The following PPP2CB variants were observed in gnomAD, a reference collection of about 807,000 sequenced individuals.
PPP2CB encodes the protein protein phosphatase 2 catalytic subunit beta, also known as serine/threonine-protein phosphatase 2A catalytic subunit beta isoform.
A neutral mutation model predicts 39.1 loss-of-function variants in PPP2CB; 18 were observed. The ratio of observed to expected loss-of-function variants is 0.46; its 90% CI spans 0.32 to 0.68. The LOEUF (loss-of-function observed/expected upper bound fraction) is 0.68. Ranked by LOEUF, PPP2CB falls within the 30% of genes least tolerant of loss-of-function variation. PPP2CB has a pLI of 0.04. For missense variants in PPP2CB, 226 were observed against 396.9 expected (o/e 0.57, Z 3.66); for synonymous variants, 129 against 133.8 (o/e 0.96, Z 0.25).
rs1425983527 is a variant in PPP2CB, at chr8:30,797,871, T to C, written c.313-117A>G. 3 of 975,328 alleles carry C rather than the reference T, an allele frequency of 3.1e-6. No individual in the cohort carries two copies. The East Asian group carries it at 8.1e-5, about 26-fold the overall frequency. 60.4% of individuals were successfully genotyped at this position (975,328 alleles called of 1,614,324 possible). On this transcript the variant is annotated intron_variant, in intron 2 of 6. Transcript: ENST00000221138. ...CGCTTTTGGCCACCAGTATATTAAA[T>C]GTTAATTTCAGTTTCAAAATAAAAA...
intron 5 of PPP2CB, chr8:30,791,562 C>A: frequency 3.2e-6 from 1 of 309,320 alleles, no homozygotes; most frequent in Non-Finnish European, 5.8e-6. Flanking sequence ...TGCTTGAAAT[C>A]TTGGCAAGGA....
intron 6 of PPP2CB, among the ~76,000 whole-genome samples, chr8:30,789,984 C>T (rs1806405216): frequency 6.6e-6 from 1 of 152,168 alleles, no homozygotes; most frequent in South Asian, 2.1e-4. Flanking sequence ...ACTTGAATCT[C>T]TGGCTTCACA....
chr8:30,796,929 A>G (rs1426012835), intron 3 of PPP2CB, among the ~76,000 whole-genome samples: 3 of 152,120 alleles, frequency 2.0e-5, no homozygotes, highest in African/African-American at 7.2e-5. Flanking sequence ...CTGCAGCCTT[A>G]ACTTCCTGGG....
intron 5 of PPP2CB, chr8:30,793,636 C>A (rs955549111): frequency 3.7e-6 from 1 of 269,004 alleles, no homozygotes; most frequent in Non-Finnish European, 7.0e-6. Context: ...AATGATAAAG[C>A]AAATATAGTA....
chr8:30,796,485 T>C (rs1180381177), intron 3 of PPP2CB, among the ~76,000 whole-genome samples: 1 of 152,130 alleles, frequency 6.6e-6, no homozygotes, highest in African/African-American at 2.4e-5. Flanking sequence ...CAGGTTCAAG[T>C]GATTCTCCTG....
At chr8:30,797,068 T>C (rs1267851739) in intron 3 of PPP2CB, among the ~76,000 whole-genome samples, 1 of 152,112 alleles carries the variant, frequency 6.6e-6, no homozygotes, top group Non-Finnish European at 1.5e-5. Context: ...AGGCTGGTCT[T>C]GAACCCCTGA....
chr8:30,805,569 C>CA (rs375475622), intron 1 of PPP2CB, among the ~76,000 whole-genome samples: 180 of 150,064 alleles, frequency 1.2e-3, no homozygotes, highest in Middle Eastern at 3.4e-3. Flanking sequence ...CACAAAAAAA[C>CA]AAAAAAAAAG....
intron 3 of PPP2CB, among the ~76,000 whole-genome samples, chr8:30,795,412 G>C (rs1467282970): frequency 6.6e-6 from 1 of 152,182 alleles, no homozygotes; most frequent in Non-Finnish European, 1.5e-5. Context: ...ACCTCACCTG[G>C]CCTGATGAGA....
At chr8:30,806,986 G>A (rs1293747416) in intron 1 of PPP2CB, among the ~76,000 whole-genome samples, 1 of 152,048 alleles carries the variant, frequency 6.6e-6, no homozygotes, top group African/African-American at 2.4e-5. Context: ...CCACTTTCCC[G>A]CCATTAGCAA....
At chr8:30,794,589 CTCCTT>C (rs1255135160) in intron 3 of PPP2CB, 24 of 284,824 alleles carry the variant, frequency 8.4e-5, no homozygotes, top group South Asian at 8.0e-4. Context: ...CCCCACTTCC[CTCCTT>C]TCTTTTCTTT....
At chr8:30,811,801 T>G (rs146824491) in intron 1 of PPP2CB, among the ~76,000 whole-genome samples, 1 of 152,020 alleles carries the variant, frequency 6.6e-6, no homozygotes, top group Non-Finnish European at 1.5e-5. Flanking sequence ...CACGCCCGGC[T>G]TGAGTTAGTG....
chr8:30,789,587 A>G (rs1806397927), intron 6 of PPP2CB, among the ~76,000 whole-genome samples: 1 of 152,142 alleles, frequency 6.6e-6, no homozygotes, highest in African/African-American at 2.4e-5. Context: ...AGAGGGTATA[A>G]CCTTGGGCAT....
At chr8:30,807,092 T>A (rs1806738118) in intron 1 of PPP2CB, among the ~76,000 whole-genome samples, 1 of 152,216 alleles carries the variant, frequency 6.6e-6, no homozygotes, top group African/African-American at 2.4e-5. Flanking sequence ...TCACTAGAAT[T>A]GGGTCTTGAC....
In PPP2CB at chr8:30,794,431, G is replaced by A. The variant is rs549168722; in HGVS notation, c.487-150C>T. 13 of 644,218 alleles carry A rather than the reference G, an allele frequency of 2.0e-5. No individual in the cohort carries two copies. In the South Asian group the frequency reaches 2.7e-4, roughly 13 times the overall value. The allele number at this position is 644,218 out of a possible 1,614,324, so 39.9% of individuals were successfully genotyped here. A position where few individuals can be genotyped will look rare whatever the true frequency, so the allele number is the denominator to read the frequency against. ...ATTTTTTCTTCTTTACCCCTTCTCT[G>A]GTCAATGGTATCCCCATCCTTGGGG... is the stretch of plus-strand genomic sequence containing the variant. On this transcript the variant is annotated intron_variant, in intron 3 of 6. Coordinates refer to ENST00000221138, the MANE Select transcript of PPP2CB (RefSeq NM_001009552.2).
chr8:30,802,156 T>C (rs1032270359), intron 1 of PPP2CB, among the ~76,000 whole-genome samples: 13 of 152,214 alleles, frequency 8.5e-5, no homozygotes, highest in Non-Finnish European at 1.5e-5. Flanking sequence ...TTAATTAGAA[T>C]GAGATTATAT....
chr8:30,795,653 G>T lies in PPP2CB; in HGVS notation c.487-1372C>A, dbSNP rs559838088. 2.0e-5 allele frequency among the ~76,000 whole-genome samples: 3 copies of T among 152,274 alleles called. No individual in the cohort carries two copies. The South Asian group carries it at 6.2e-4, about 32-fold the overall frequency. On this transcript the variant is annotated intron_variant, in intron 3 of 6. Transcript: ENST00000221138. ...ATCTTTTCCCAAGTTCTAGAACACA[G>T]AAATTATATGTTCCTTAAAGGTTTG...
At chr8:30,791,728 T>A (rs1296386554) in intron 5 of PPP2CB, among the ~76,000 whole-genome samples, 1 of 152,176 alleles carries the variant, frequency 6.6e-6, no homozygotes, top group African/African-American at 2.4e-5. Context: ...TCATCAATAA[T>A]CTCTTTATTT....
chr8:30,809,968 C>G (rs976975508), intron 1 of PPP2CB: 1 of 148,908 alleles, frequency 6.7e-6, no homozygotes, highest in African/African-American at 2.5e-5. Context: ...TAGTAAGATA[C>G]AAGAGATAAT....
At chr8:30,798,036 C>CT (rs1276891946) in intron 2 of PPP2CB, among the ~76,000 whole-genome samples, 1 of 152,160 alleles carries the variant, frequency 6.6e-6, no homozygotes, top group Non-Finnish European at 1.5e-5. Flanking sequence ...GTATCTGATA[C>CT]TTTGCTTCTA....
Sources: gnomAD v4.1 joint callset for allele counts (sites outside exome capture counted in the v4.1 genomes callset) on GRCh38, gnomAD v4.1.1 for gene constraint, MANE v1.5 for transcripts, NCBI Gene and HGNC (gene_info 2026-07-23, HGNC 2026-07-21) for gene names.